PLCB1: variants seen among roughly 807,000 people sequenced by gnomAD.
PLCB1 encodes the protein phospholipase C beta 1.
In PLCB1, 46 loss-of-function variants were observed where a neutral mutation model predicts 161.8. The ratio of observed to expected loss-of-function variants is 0.28; its 90% confidence interval spans 0.22 to 0.36. The LOEUF is 0.36. Among genes scored for constraint, PLCB1 ranks in the 10% least tolerant of loss-of-function variants. The pLI, the probability that PLCB1 is intolerant of heterozygous loss-of-function variation, is 1.00. For synonymous variants in PLCB1, 517 were observed against 503.7 expected, an observed-to-expected ratio of 1.03 and a Z score of -0.35; for missense variants, 1,016 against 1,472.5, an observed-to-expected ratio of 0.69 and a Z score of 5.07.
intron 3 of PLCB1, among the ~76,000 whole-genome samples, chr20:8,446,252 A>G (rs1484871797): frequency 6.6e-6 from 1 of 152,236 alleles, no homozygotes; most frequent in Non-Finnish European, 1.5e-5. Context: ...GGCTGGTTCA[A>G]CATATGCAAA....
In PLCB1 at chr20:8,470,011, A is replaced by T. The variant is rs530038003; in HGVS notation, c.246+98561A>T. Among the ~76,000 whole-genome samples the T allele has an allele frequency of 2.6e-5, 4 of 152,292 alleles. 1 individual carries two copies. In the Middle Eastern group the frequency reaches 0.014, roughly 518 times the overall value. ...GATTTGTCTCTTCCAGACATTTCAT[A>T]GAAATGGAATCACAAAATATGTGGT... On this transcript the variant is annotated intron_variant, in intron 3 of 31. Coordinates refer to ENST00000338037, the MANE Select transcript of PLCB1 (RefSeq NM_015192.4).
intron 10 of PLCB1, among the ~76,000 whole-genome samples, chr20:8,693,152 A>G (rs1444575289): frequency 2.6e-5 from 4 of 152,230 alleles, no homozygotes; most frequent in Non-Finnish European, 2.9e-5. Flanking sequence ...AATATGTCTC[A>G]TATCACTTTC....
At chr20:8,207,666 A>T (rs929582694) in intron 2 of PLCB1, among the ~76,000 whole-genome samples, 1 of 152,082 alleles carries the variant, frequency 6.6e-6, no homozygotes, top group Non-Finnish European at 1.5e-5. Flanking sequence ...CTGCAGCCTC[A>T]AACTCTTGGG....
chr20:8,793,716 A>G (rs1174512269), intron 31 of PLCB1, among the ~76,000 whole-genome samples: 1 of 152,188 alleles, frequency 6.6e-6, no homozygotes, highest in African/African-American at 2.4e-5. Flanking sequence ...CCGAGGCAAA[A>G]TTAAAATTGC....
chr20:8,820,833 A>T (rs1233959079), intron 31 of PLCB1, among the ~76,000 whole-genome samples: 1 of 152,224 alleles, frequency 6.6e-6, no homozygotes, highest in Non-Finnish European at 1.5e-5. Context: ...AACAACTTGG[A>T]TAAATTTCAT....
At chr20:8,444,560 A>G (rs1980726476) in intron 3 of PLCB1, among the ~76,000 whole-genome samples, 1 of 152,298 alleles carries the variant, frequency 6.6e-6, no homozygotes, top group African/African-American at 2.4e-5. Flanking sequence ...TTGGGTATAT[A>G]CCCAGTAATG....
At chr20:8,616,980 G>C (rs553297992) in intron 3 of PLCB1, among the ~76,000 whole-genome samples, 2 of 152,280 alleles carry the variant, frequency 1.3e-5, no homozygotes, top group Admixed American at 1.3e-4. Flanking sequence ...CCCAGAGAAG[G>C]CCTAAGGAGA....
chr20:8,740,727 T>C (rs528962080), intron 22 of PLCB1, among the ~76,000 whole-genome samples: 72 of 152,368 alleles, frequency 4.7e-4, no homozygotes, highest in African/African-American at 1.7e-3. Context: ...ACTTACCAAC[T>C]CATGTTATCC....
Position 8,189,324 on chromosome 20 carries a change from A to AAT in PLCB1, c.177+38969_177+38970dup, listed in dbSNP as rs60983684. 1.9e-3 allele frequency among the ~76,000 whole-genome samples: 270 copies of AAT among 145,200 alleles called. 4 individuals carry two copies. The highest frequency in any genetic ancestry group is 7.2e-3 in the Middle Eastern group (2 of 276). ...TTTGTTTGACTATAGTAACTATTTT[A>AAT]ATATATATATATATATAAAACATAA... On this transcript the variant is annotated intron_variant, in intron 2 of 31. Coordinates refer to ENST00000338037, the MANE Select transcript of PLCB1 (RefSeq NM_015192.4).
chr20:8,623,073 A>G (rs1988229971), intron 3 of PLCB1, among the ~76,000 whole-genome samples: 1 of 151,744 alleles, frequency 6.6e-6, no homozygotes, highest in African/African-American at 2.4e-5. Flanking sequence ...GCAGCCCCTT[A>G]TCTTTCCTTC....
chr20:8,430,362 C>T (rs534247180), intron 3 of PLCB1, among the ~76,000 whole-genome samples: 23 of 151,002 alleles, frequency 1.5e-4, no homozygotes, highest in African/African-American at 5.1e-4. Context: ...ATGCTCTTCC[C>T]GGGTCAGTTT....
chr20:8,882,006 T>G lies in PLCB1; in HGVS notation c.*157T>G. ...GAGTTCCAGAGGAATCCATGAAGAA[T>G]TCCCATGCCCAGGCTCCATGTGTCA... On this transcript the variant is annotated 3_prime_UTR_variant, in exon 32 of 32. Transcript: ENST00000338037. The G allele has an allele frequency of 1.6e-6, 1 of 608,222 alleles. No homozygotes were observed. The highest frequency in any genetic ancestry group is 2.9e-6 in the Non-Finnish European group (1 of 344,064). The allele number at this position is 608,222 out of a possible 1,614,324, so 37.7% of individuals were successfully genotyped here. A position where few individuals can be genotyped will look rare whatever the true frequency, so the allele number is the denominator to read the frequency against.
intron 3 of PLCB1, among the ~76,000 whole-genome samples, chr20:8,580,455 T>C (rs1986799853): frequency 6.6e-6 from 1 of 152,190 alleles, no homozygotes; most frequent in African/African-American, 2.4e-5. Flanking sequence ...TGCTATACTG[T>C]CCTCTTTCGA....
intron 2 of PLCB1, among the ~76,000 whole-genome samples, chr20:8,341,859 C>A (rs1985820475): frequency 6.6e-6 from 1 of 152,108 alleles, no homozygotes; most frequent in Admixed American, 6.6e-5. Flanking sequence ...GAACTACTAT[C>A]ATCATTTTTT....
chr20:8,676,030 G>C (rs1225015265), intron 9 of PLCB1, among the ~76,000 whole-genome samples: 4 of 152,206 alleles, frequency 2.6e-5, no homozygotes, highest in Non-Finnish European at 4.4e-5. Context: ...TTATTCTTTG[G>C]AGTCAGGAAA....
intron 31 of PLCB1, among the ~76,000 whole-genome samples, chr20:8,820,022 C>T (rs1343718883): frequency 1.3e-5 from 2 of 148,824 alleles, no homozygotes; most frequent in African/African-American, 4.9e-5. Context: ...ATTAAATCCT[C>T]TCCAGATTAC....
Position 8,445,312 on chromosome 20 carries a change from C to T in PLCB1, c.246+73862C>T, listed in dbSNP as rs192252352. On this transcript the variant is annotated intron_variant, in intron 3 of 31. Coordinates refer to ENST00000338037, the MANE Select transcript of PLCB1 (RefSeq NM_015192.4). ...CGTTTATTAAATAGGGAATCTTTTC[C>T]CCATTTCTTGTTTTTGTCAGGTTTG... Among the ~76,000 whole-genome samples, 1,117 of 152,186 alleles carry T rather than the reference C, an allele frequency of 7.3e-3. 13 individuals are homozygous for T. The highest frequency in any genetic ancestry group is 0.025 in the African/African-American group (1,047 of 41,510).
chr20:8,853,276 C>T (rs1986952161), intron 31 of PLCB1, among the ~76,000 whole-genome samples: 1 of 152,162 alleles, frequency 6.6e-6, no homozygotes, highest in Non-Finnish European at 1.5e-5. Flanking sequence ...AAAAAGTATG[C>T]AGCTTGACAA....
intron 3 of PLCB1, among the ~76,000 whole-genome samples, chr20:8,607,201 T>C (rs975091617): frequency 3.9e-5 from 6 of 152,154 alleles, no homozygotes; most frequent in African/African-American, 9.7e-5. Flanking sequence ...TCCACTTCTC[T>C]CCATCTCCAT....
Sources: gnomAD v4.1 joint callset for allele counts (sites outside exome capture counted in the v4.1 genomes callset) on GRCh38, gnomAD v4.1.1 for gene constraint, MANE v1.5 for transcripts, NCBI Gene and HGNC (gene_info 2026-07-23, HGNC 2026-07-21) for gene names.